NRXN3: variants seen among roughly 807,000 people sequenced by gnomAD.
The protein encoded by NRXN3 is neurexin 3.
In NRXN3, 32 loss-of-function variants were observed where a neutral mutation model predicts 137.6. The observed-to-expected ratio is 0.23, with a 90% CI of 0.18 to 0.31. The LOEUF (loss-of-function observed/expected upper bound fraction) is 0.31. Ranked by LOEUF, NRXN3 falls within the 10% of genes least tolerant of loss-of-function variation. The pLI is 1.00. For missense variants in NRXN3, 1,574 were observed against 2,062.5 expected (o/e 0.76, Z 4.59); for synonymous variants, 798 against 784.5 (o/e 1.02, Z -0.29).
chr14:78,636,233 C>T (rs1186193116), intron 4 of NRXN3, among the ~76,000 whole-genome samples: 1 of 152,084 alleles, frequency 6.6e-6, no homozygotes, highest in Non-Finnish European at 1.5e-5. Flanking sequence ...TAAAATTGGG[C>T]TTCTTTATAA....
At chr14:79,141,751 C>G (rs1445206506) in intron 15 of NRXN3, among the ~76,000 whole-genome samples, 2 of 152,196 alleles carry the variant, frequency 1.3e-5, no homozygotes, top group Non-Finnish European at 2.9e-5. Context: ...AAACCTGTGC[C>G]TTGTCATAAT....
At chr14:78,451,790 TA>T (rs1408460023) in intron 4 of NRXN3, among the ~76,000 whole-genome samples, 1 of 152,244 alleles carries the variant, frequency 6.6e-6, no homozygotes, top group African/African-American at 2.4e-5. Flanking sequence ...ATGGCAGAGC[TA>T]TTTTTAGATT....
chr14:79,139,670 T>A (rs2058606209), intron 15 of NRXN3, among the ~76,000 whole-genome samples: 2 of 152,090 alleles, frequency 1.3e-5, no homozygotes, highest in African/African-American at 4.8e-5. Flanking sequence ...ACTTTCACAT[T>A]ATTTTTGAAA....
chr14:78,473,107 A>G (rs1668534043), intron 4 of NRXN3, among the ~76,000 whole-genome samples: 1 of 152,130 alleles, frequency 6.6e-6, no homozygotes, highest in Non-Finnish European at 1.5e-5. Flanking sequence ...GCTCTTTAAA[A>G]GAAAAACCTT....
chr14:79,614,770 T>C (rs745770787), intron 16 of NRXN3, among the ~76,000 whole-genome samples: 16 of 152,148 alleles, frequency 1.1e-4, no homozygotes, highest in Admixed American at 3.9e-4. Context: ...ACTGGCGGGA[T>C]TTCATTACCA....
intron 16 of NRXN3, among the ~76,000 whole-genome samples, chr14:79,607,575 GA>G (rs1433040212): frequency 1.3e-5 from 2 of 151,976 alleles, no homozygotes; most frequent in Non-Finnish European, 2.9e-5. Flanking sequence ...TTTCTGGTGG[GA>G]AAAGGGAATT....
chr14:78,176,427 A>G (rs1458688906), intron 1 of NRXN3, among the ~76,000 whole-genome samples: 2 of 151,106 alleles, frequency 1.3e-5, no homozygotes, highest in African/African-American at 4.9e-5. Flanking sequence ...AATTCTCCAA[A>G]CAACTCAATG....
intron 16 of NRXN3, among the ~76,000 whole-genome samples, chr14:79,528,211 C>T (rs1023041013): frequency 4.6e-5 from 7 of 151,968 alleles, no homozygotes; most frequent in Non-Finnish European, 7.4e-5. Context: ...GATAAGTGCC[C>T]AATAATATCA....
chr14:79,600,671 G>C (rs1032316458), intron 16 of NRXN3, among the ~76,000 whole-genome samples: 3 of 152,106 alleles, frequency 2.0e-5, no homozygotes, highest in African/African-American at 7.2e-5. Flanking sequence ...CCAGAAGAGT[G>C]GGGAGAGAGT....
At chr14:78,559,573 GC>G (rs2096768916) in intron 4 of NRXN3, among the ~76,000 whole-genome samples, 1 of 152,200 alleles carries the variant, frequency 6.6e-6, no homozygotes, top group African/African-American at 2.4e-5. Context: ...CTTTCAGATT[GC>G]TTTCCAGAAG....
chr14:78,443,587 A>G (rs2094325052), intron 4 of NRXN3, among the ~76,000 whole-genome samples: 1 of 152,200 alleles, frequency 6.6e-6, no homozygotes, highest in African/African-American at 2.4e-5. Context: ...CCAGGAGAGT[A>G]AGAAGATCAC....
intron 4 of NRXN3, among the ~76,000 whole-genome samples, chr14:78,489,134 T>C (rs938886450): frequency 6.6e-6 from 1 of 152,174 alleles, no homozygotes; most frequent in African/African-American, 2.4e-5. Flanking sequence ...CCAACATTAA[T>C]GAGCACAAAT....
At chr14:78,411,436 T>C (rs1321533948) in intron 4 of NRXN3, among the ~76,000 whole-genome samples, 1 of 152,174 alleles carries the variant, frequency 6.6e-6, no homozygotes. Context: ...TGCCCCTGAC[T>C]AGCCAGATCA....
At chr14:78,782,518 A>G (rs925350296) in intron 8 of NRXN3, among the ~76,000 whole-genome samples, 1 of 152,216 alleles carries the variant, frequency 6.6e-6, no homozygotes, top group Non-Finnish European at 1.5e-5. Flanking sequence ...AGAAATCTGG[A>G]TTGACCAGGA....
chr14:79,036,593 GTTTTTTTTTT>G lies in NRXN3; in HGVS notation c.3262+48476_3262+48485del, dbSNP rs57154485. 8.7e-4 allele frequency among the ~76,000 whole-genome samples: 88 copies of G among 101,650 alleles called. 3 individuals are homozygous for G. The highest frequency in any genetic ancestry group is 4.0e-3 in the East Asian group (14 of 3,530). The allele number at this position is 101,650 out of a possible 152,430, so 66.7% of individuals were successfully genotyped here. On this transcript the variant is annotated intron_variant, in intron 15 of 20. Coordinates refer to ENST00000335750, the MANE Select transcript of NRXN3 (RefSeq NM_001330195.2). ...TTTTATTGTATTGTTTTCGTTTTGG[GTTTTTTTTTT>G]TTTTTTTTTTTTTTTTTTTTTTTAA...
intron 13 of NRXN3, among the ~76,000 whole-genome samples, chr14:78,967,631 G>A (rs1343464414): frequency 6.6e-6 from 1 of 152,132 alleles, no homozygotes; most frequent in South Asian, 2.1e-4. Context: ...TGCTGTGGGG[G>A]CTGAGAGATG....
chr14:79,802,812 C>T (rs760703508), intron 19 of NRXN3, among the ~76,000 whole-genome samples: 2 of 152,092 alleles, frequency 1.3e-5, no homozygotes, highest in South Asian at 2.1e-4. Flanking sequence ...GATGTAACTA[C>T]CAGTTTCAGT....
chr14:78,240,538 T>C (rs1436138313), intron 1 of NRXN3, among the ~76,000 whole-genome samples: 1 of 152,118 alleles, frequency 6.6e-6, no homozygotes, highest in Non-Finnish European at 1.5e-5. Flanking sequence ...CAGTTGCAGC[T>C]CTCCTACCCA....
chr14:78,870,235 A>G (rs1300953271), intron 10 of NRXN3, among the ~76,000 whole-genome samples: 1 of 152,214 alleles, frequency 6.6e-6, no homozygotes, highest in Non-Finnish European at 1.5e-5. Flanking sequence ...GTTTTGATCA[A>G]GTAAAAAAGT....
Sources: allele counts gnomAD v4.1 joint callset (sites outside exome capture counted in the v4.1 genomes callset), GRCh38; gene constraint gnomAD v4.1.1; transcripts MANE v1.5; gene names NCBI Gene and HGNC (gene_info 2026-07-23, HGNC 2026-07-21).